Variants in CSMD1 observed in about 807,000 individuals in gnomAD.
CSMD1 encodes the protein CUB and sushi domain-containing protein 1.
A neutral mutation model predicts 417.5 loss-of-function variants in CSMD1; 213 were observed. That is an observed-to-expected ratio of 0.51 (90% CI 0.46 to 0.57). CSMD1 has a LOEUF of 0.57. Ranked by LOEUF, CSMD1 falls within the 20% of genes least tolerant of loss-of-function variation. The probability of loss-of-function intolerance (pLI) is 0.00; values close to 1 mark genes in which losing one functional copy is unlikely to be tolerated. For missense variants in CSMD1, 6,923 were observed against 4,529.7 expected, an observed-to-expected ratio of 1.53 and a Z score of -15.17; for synonymous variants, 2,862 against 1,736.8, an observed-to-expected ratio of 1.65 and a Z score of -16.11.
intron 1 of CSMD1, among the ~76,000 whole-genome samples, chr8:4,647,009 G>A (rs11984453): frequency 0.076 from 11,523 of 152,202 alleles, 488 homozygotes; most frequent in South Asian, 0.18. Flanking sequence ...TAACAGCCAA[G>A]GTGCTGACAC....
intron 10 of CSMD1, among the ~76,000 whole-genome samples, chr8:3,554,368 G>A (rs1351883937): frequency 6.6e-6 from 1 of 152,232 alleles, no homozygotes; most frequent in African/African-American, 2.4e-5. Context: ...CGAGGGCTGT[G>A]AACCAATTTG....
At chr8:4,345,010 T>A (rs183713951) in intron 3 of CSMD1, among the ~76,000 whole-genome samples, 2 of 152,150 alleles carry the variant, frequency 1.3e-5, no homozygotes, top group African/African-American at 2.4e-5. Context: ...TTTCATTCTT[T>A]CTAAGGCAGC....
chr8:3,824,357 C>CGCA (rs1801927377), intron 5 of CSMD1, among the ~76,000 whole-genome samples: 1 of 152,150 alleles, frequency 6.6e-6, no homozygotes, highest in Non-Finnish European at 1.5e-5. Flanking sequence ...CAAAGTTTGT[C>CGCA]AAATGACGGC....
chr8:4,735,567 A>G (rs10481373), intron 1 of CSMD1, among the ~76,000 whole-genome samples: 53,932 of 152,054 alleles, frequency 0.35, 11,007 homozygotes, highest in Admixed American at 0.48. Context: ...AGAAGCCCAC[A>G]TACAGCTAAG....
intron 5 of CSMD1, among the ~76,000 whole-genome samples, chr8:3,867,812 G>A (rs1378353960): frequency 1.3e-5 from 2 of 151,992 alleles, no homozygotes; most frequent in African/African-American, 4.8e-5. Flanking sequence ...CATTCCAACT[G>A]ACCTTCCCTC....
intron 52 of CSMD1, among the ~76,000 whole-genome samples, chr8:3,007,450 T>G (rs1308904042): frequency 6.6e-6 from 1 of 151,264 alleles, no homozygotes; most frequent in Non-Finnish European, 1.5e-5. Context: ...TAAATCATGC[T>G]GCTATAAAGA....
At chr8:3,533,286 T>A (rs752389153) in intron 10 of CSMD1, among the ~76,000 whole-genome samples, 9 of 152,216 alleles carry the variant, frequency 5.9e-5, no homozygotes, top group African/African-American at 2.2e-4. Flanking sequence ...AATGTTTAAA[T>A]GCCCAATATA....
intron 3 of CSMD1, among the ~76,000 whole-genome samples, chr8:4,270,652 G>T (rs770024403): frequency 6.6e-6 from 1 of 152,096 alleles, no homozygotes; most frequent in Non-Finnish European, 1.5e-5. Context: ...AATGAAGATC[G>T]CGTGTCTGCC....
chr8:4,814,406 T>G (rs1459910397), intron 1 of CSMD1, among the ~76,000 whole-genome samples: 1 of 152,176 alleles, frequency 6.6e-6, no homozygotes, highest in Non-Finnish European at 1.5e-5. Context: ...CCGCCAAGCC[T>G]GGCTAATTTT....
At position 3,554,111 on chromosome 8, in the gene CSMD1, G is replaced by C. The variant is rs372009125; in HGVS notation, c.1344+20834C>G. 2.6e-5 allele frequency among the ~76,000 whole-genome samples: 4 copies of C among 152,332 alleles called. No homozygotes were observed. The East Asian group carries it at 5.8e-4, about 22-fold the overall frequency. On this transcript the variant is annotated intron_variant, in intron 10 of 69. Coordinates refer to ENST00000635120, the MANE Select transcript of CSMD1 (RefSeq NM_033225.6). ...TGCGTTCTTCATGACTGTATTTAATGCATGTCTAAGCTCATGCCTTTTATA... is the reference window on the plus strand; with the variant it reads ...TGCGTTCTTCATGACTGTATTTAATCCATGTCTAAGCTCATGCCTTTTATA...
intron 2 of CSMD1, among the ~76,000 whole-genome samples, chr8:4,575,673 A>C (rs1181749634): frequency 1.3e-5 from 2 of 152,236 alleles, no homozygotes; most frequent in African/African-American, 4.8e-5. Flanking sequence ...AATTGTCTAA[A>C]TACAGGCAAC....
At position 3,087,175 on chromosome 8, in the gene CSMD1, C is replaced by T. The variant is rs752027423; in HGVS notation, c.7396G>A (p.Val2466Ile). The change falls in exon 49 of 70, where the codon GTC becomes ATC. Residue 2466 changes from valine to isoleucine, a missense_variant. Transcript: ENST00000635120. ...HYFCKPGYRM[V>I]GHSNATCRRN... is the part of the protein sequence containing the mutation. ...CTACAGGTTGCATTGCTGTGGCCGA[C>T]CATTCGGTATCCAGGCTTGCAAAAA... is the stretch of plus-strand genomic sequence containing the variant. The T allele has an allele frequency of 2.5e-6, 4 of 1,613,950 alleles. No individual in the cohort carries two copies. The highest frequency in any genetic ancestry group is 3.4e-6 in the Non-Finnish European group (4 of 1,179,902).
chr8:4,118,399 TTA>T (rs1236219118), intron 3 of CSMD1, among the ~76,000 whole-genome samples: 1 of 140,684 alleles, frequency 7.1e-6, no homozygotes, highest in East Asian at 2.2e-4. Flanking sequence ...TTAAAGAAAT[TTA>T]CAAAAAAAAA....
chr8:4,465,169 A>G (rs1800089651), intron 2 of CSMD1, among the ~76,000 whole-genome samples: 1 of 152,146 alleles, frequency 6.6e-6, no homozygotes, highest in Admixed American at 6.6e-5. Flanking sequence ...ACTTTATGTC[A>G]CCAGAGGGAA....
chr8:4,210,374 C>T (rs776252510), intron 3 of CSMD1, among the ~76,000 whole-genome samples: 1 of 152,292 alleles, frequency 6.6e-6, no homozygotes, highest in East Asian at 1.9e-4. Context: ...ACATTCAAAT[C>T]CAACTTTTTC....
intron 3 of CSMD1, among the ~76,000 whole-genome samples, chr8:4,054,590 T>C (rs746640011): frequency 5.3e-5 from 8 of 152,120 alleles, no homozygotes; most frequent in East Asian, 3.9e-4. Flanking sequence ...TGTAGTCTAA[T>C]TGTGGAGGTG....
intron 17 of CSMD1, among the ~76,000 whole-genome samples, chr8:3,392,750 T>A (rs531285765): frequency 6.6e-6 from 1 of 152,260 alleles, no homozygotes; most frequent in East Asian, 1.9e-4. Flanking sequence ...AGGGATGTGT[T>A]AGTGCACTAT....
chr8:4,035,540 G>A (rs1797572888), intron 3 of CSMD1, among the ~76,000 whole-genome samples: 1 of 152,146 alleles, frequency 6.6e-6, no homozygotes, highest in South Asian at 2.1e-4. Flanking sequence ...CGTCAAGGTG[G>A]AAGAGATGAC....
chr8:3,818,233 C>T (rs757836331), intron 5 of CSMD1, among the ~76,000 whole-genome samples: 3 of 152,066 alleles, frequency 2.0e-5, no homozygotes, highest in African/African-American at 7.2e-5. Context: ...CCCCAAGATG[C>T]AGCCCCTGGG....
Sources: gnomAD v4.1 joint callset for allele counts (sites outside exome capture counted in the v4.1 genomes callset) on GRCh38, gnomAD v4.1.1 for gene constraint, MANE v1.5 for transcripts, NCBI Gene and HGNC (gene_info 2026-07-23, HGNC 2026-07-21) for gene names.